The following APPBP2 variants were observed in gnomAD, a reference collection of about 807,000 sequenced individuals.
APPBP2 encodes the protein amyloid protein-binding protein 2.
A neutral mutation model predicts 76.0 loss-of-function variants in APPBP2; 15 were observed. The observed-to-expected ratio is 0.20, with a 90% CI of 0.13 to 0.30. APPBP2 has a LOEUF of 0.30. Among genes scored for constraint, APPBP2 ranks in the 10% least tolerant of loss-of-function variants. The probability of loss-of-function intolerance (pLI) is 1.00; values close to 1 mark genes in which losing one functional copy is unlikely to be tolerated. For missense variants in APPBP2, 401 were observed against 687.2 expected, an observed-to-expected ratio of 0.58 and a Z score of 4.66; for synonymous variants, 222 against 242.2, an observed-to-expected ratio of 0.92 and a Z score of 0.77.
At chr17:60,447,940 G>A in intron 12 of APPBP2, 106 bp from the exon 13 acceptor site, 1 of 1,042,596 alleles carries the variant, frequency 9.6e-7, no homozygotes, top group Non-Finnish European at 1.4e-6. Flanking sequence ...GGGTGGCTTA[G>A]GTTTATTCCC....
intron 1 of APPBP2, 46 bp from the exon 2 acceptor site, chr17:60,500,533 T>C: frequency 7.8e-7 from 1 of 1,286,492 alleles, no homozygotes; most frequent in African/African-American, 1.5e-5. Context: ...ATTTAATTCT[T>C]CTTTTTACTT....
At chr17:60,458,520 C>T (rs1005481864) in intron 9 of APPBP2, among the ~76,000 whole-genome samples, 1 of 151,722 alleles carries the variant, frequency 6.6e-6, no homozygotes, top group African/African-American at 2.4e-5. Context: ...TTAGAGTTAA[C>T]AAAGTTTTTC....
chr17:60,503,138 G>A (rs369242117), intron 1 of APPBP2, among the ~76,000 whole-genome samples: 1 of 143,094 alleles, frequency 7.0e-6, no homozygotes, highest in South Asian at 2.1e-4. Context: ...TCAGCCTCCC[G>A]AATAGCCTGG....
chr17:60,503,158 G>A (rs947783775), intron 1 of APPBP2, among the ~76,000 whole-genome samples: 7 of 144,566 alleles, frequency 4.8e-5, no homozygotes, highest in Non-Finnish European at 7.4e-5. Context: ...GACTACCGGC[G>A]CGGGATACCA....
At chr17:60,500,064 T>G (rs2090809924) in intron 2 of APPBP2, among the ~76,000 whole-genome samples, 1 of 149,676 alleles carries the variant, frequency 6.7e-6, no homozygotes, top group East Asian at 2.0e-4. Context: ...CAGGCTGGAG[T>G]GCAGTGGCGC....
chr17:60,485,676 G>C (rs2090669833), intron 3 of APPBP2, among the ~76,000 whole-genome samples: 1 of 152,032 alleles, frequency 6.6e-6, no homozygotes, highest in African/African-American at 2.4e-5. Flanking sequence ...TTTTTTTGAA[G>C]GGTTTTTTGT....
intron 12 of APPBP2, 132 bp from the exon 13 acceptor site, chr17:60,447,966 A>G (rs1567915812): frequency 4.9e-6 from 4 of 824,486 alleles, no homozygotes; most frequent in Non-Finnish European, 7.4e-6. Flanking sequence ...AGGAATAGAT[A>G]TAATTCTTGT....
At chr17:60,512,320 G>A (rs1185736596) in intron 1 of APPBP2, among the ~76,000 whole-genome samples, 2 of 151,786 alleles carry the variant, frequency 1.3e-5, no homozygotes, top group African/African-American at 4.8e-5. Flanking sequence ...AGCCAGGATG[G>A]TGTCGCTCTC....
chr17:60,478,712 A>C (rs984008160), intron 4 of APPBP2, among the ~76,000 whole-genome samples: 1 of 152,216 alleles, frequency 6.6e-6, no homozygotes, highest in Non-Finnish European at 1.5e-5. Flanking sequence ...ACCTGAAGTC[A>C]GGAGTTCGAG....
At chr17:60,487,649 T>C (rs1230220354) in intron 3 of APPBP2, among the ~76,000 whole-genome samples, 1 of 152,234 alleles carries the variant, frequency 6.6e-6, no homozygotes, top group Non-Finnish European at 1.5e-5. Context: ...CATCCTCCTT[T>C]AGCTTGGAGA....
intron 1 of APPBP2, among the ~76,000 whole-genome samples, chr17:60,507,374 A>G (rs2090876956): frequency 6.6e-6 from 1 of 151,922 alleles, no homozygotes; most frequent in Non-Finnish European, 1.5e-5. Context: ...GGCATGTACC[A>G]CCATGCCCGG....
intron 2 of APPBP2, among the ~76,000 whole-genome samples, chr17:60,498,695 T>C (rs2090797300): frequency 6.6e-6 from 1 of 152,170 alleles, no homozygotes; most frequent in South Asian, 2.1e-4. Flanking sequence ...GCACAAACTG[T>C]ATAATTGTAT....
At position 60,525,875 on chromosome 17, in the gene APPBP2, G is replaced by T; in HGVS notation, c.57C>A (p.Ser19=). The stretch of plus-strand genomic sequence containing the variant: ...AGCGGATGTAGTTGTCCACGACAGC[G>T]GAGATGGCGGTGTTATAGAGAGTCT... ...IPETLYNTAI[S]AVVDNYIRSR... The change falls in exon 1 of 13, where the codon TCC becomes TCA. Residue 19 remains serine, a synonymous_variant. Coordinates refer to ENST00000083182, the MANE Select transcript of APPBP2 (RefSeq NM_006380.5). 3.1e-6 allele frequency: 5 copies of T among 1,614,120 alleles called. No homozygotes were observed. Among genetic ancestry groups the T allele is most frequent in the Non-Finnish European group, 2.5e-6 (3 of 1,180,026 alleles).
At chr17:60,481,752 G>C (rs1051409571) in intron 3 of APPBP2, among the ~76,000 whole-genome samples, 1 of 152,190 alleles carries the variant, frequency 6.6e-6, no homozygotes, top group African/African-American at 2.4e-5. Flanking sequence ...GTTTTCAAAA[G>C]AAGTTAGGAA....
At chr17:60,475,504 G>A (rs182181273) in intron 4 of APPBP2, among the ~76,000 whole-genome samples, 214 of 152,104 alleles carry the variant, frequency 1.4e-3, no homozygotes, top group Non-Finnish European at 2.0e-3. Context: ...TACTTCTTTT[G>A]CCCTTCAAAC....
intron 2 of APPBP2, among the ~76,000 whole-genome samples, chr17:60,494,838 C>T (rs953321369): frequency 2.6e-5 from 4 of 152,104 alleles, no homozygotes; most frequent in African/African-American, 9.7e-5. Context: ...AGGAAAAGTA[C>T]ACAATGTGTA....
chr17:60,454,169 G>T, intron 11 of APPBP2, 133 bp downstream of exon 11: 1 of 665,382 alleles, frequency 1.5e-6, no homozygotes, highest in Non-Finnish European at 2.3e-6. Flanking sequence ...GGCCTATGTT[G>T]TTTTATACTC....
intron 3 of APPBP2, among the ~76,000 whole-genome samples, chr17:60,487,462 C>T (rs888915560): frequency 4.6e-5 from 7 of 152,126 alleles, no homozygotes; most frequent in Non-Finnish European, 8.8e-5. Context: ...ATCACTGATA[C>T]CCTTTCTTCC....
intron 3 of APPBP2, among the ~76,000 whole-genome samples, chr17:60,483,350 T>G (rs1206558530): frequency 1.3e-5 from 2 of 152,180 alleles, no homozygotes; most frequent in Non-Finnish European, 2.9e-5. Flanking sequence ...ATAGGTAGAT[T>G]GCAAAAATTT....
Sources: gnomAD v4.1 joint callset for allele counts (sites outside exome capture counted in the v4.1 genomes callset) on GRCh38, gnomAD v4.1.1 for gene constraint, MANE v1.5 for transcripts, NCBI Gene and HGNC (gene_info 2026-07-23, HGNC 2026-07-21) for gene names.